ZBTB7B: variants seen among roughly 807,000 people sequenced by gnomAD.
The protein encoded by ZBTB7B is zinc finger and BTB domain containing 7B.
ZBTB7B carries 8 observed loss-of-function variants against 31.0 expected under a neutral mutation model. The ratio of observed to expected loss-of-function variants is 0.26; its 90% CI spans 0.15 to 0.47. The LOEUF is 0.47. ZBTB7B is among the 20% of genes least tolerant of loss of function. The pLI, the probability that ZBTB7B is intolerant of heterozygous loss-of-function variation, is 0.99. For synonymous variants in ZBTB7B, 261 were observed against 307.3 expected (o/e 0.85, Z 1.58); for missense variants, 494 against 742.4 (o/e 0.67, Z 3.89).
At chr1:155,011,056 C>T in intron 1 of ZBTB7B, 1 of 1,479,190 alleles carries the variant, frequency 6.8e-7, no homozygotes, top group Non-Finnish European at 9.1e-7. Context: ...CTCTGCGTGC[C>T]TGTGTCCCAG....
rs1658440974 is a variant in ZBTB7B at position 155,004,520 on chromosome 1, C to A, written c.-7+1577C>A. ...ACCAACTGGTTTGGTCACCCCTGTACCCGCCTGGCACTGCTGGGAGAGCTG... is the reference window on the plus strand; with the variant it reads ...ACCAACTGGTTTGGTCACCCCTGTAACCGCCTGGCACTGCTGGGAGAGCTG... On this transcript the variant is annotated intron_variant, in intron 1 of 2. Coordinates refer to ENST00000535420, the MANE Select transcript of ZBTB7B (RefSeq NM_001256455.2). This position sits in a 1 kb window ranked among gnomAD's most constrained non-coding sequence, Gnocchi z 4.0. 6.6e-6 allele frequency among the ~76,000 whole-genome samples: 1 copy of A among 152,130 alleles called. No homozygotes were observed. The highest frequency in any genetic ancestry group is 1.5e-5 in the Non-Finnish European group (1 of 68,002).
rs1255293697 is a variant in ZBTB7B at position 155,004,538 on chromosome 1, G to A, written c.-7+1595G>A. Among the ~76,000 whole-genome samples, 2 of 152,148 alleles carry A rather than the reference G, an allele frequency of 1.3e-5. No homozygotes were observed. The highest frequency in any genetic ancestry group is 2.9e-5 in the Non-Finnish European group (2 of 68,008). ...CCCTGTACCCGCCTGGCACTGCTGG[G>A]AGAGCTGGCATGGAGTGGACATCAG... On this transcript the variant is annotated intron_variant, in intron 1 of 2. Transcript: ENST00000535420. The surrounding 1 kb of genome is among the most constrained non-coding windows in gnomAD (Gnocchi z 4.0).
upstream of ZBTB7B, chr1:155,002,730 T>C: frequency 9.2e-6 from 1 of 108,840 alleles, no homozygotes; most frequent in Non-Finnish European, 1.9e-5. Context: ...GCCAGGTGAA[T>C]GTACGGCTCT....
intron 1 of ZBTB7B, among the ~76,000 whole-genome samples, chr1:155,010,630 C>T (rs1287817142): frequency 6.6e-6 from 1 of 152,116 alleles, no homozygotes; most frequent in Non-Finnish European, 1.5e-5. Flanking sequence ...AGCTCCTGGG[C>T]CCCAGAGGCC....
upstream of ZBTB7B, chr1:155,002,617 C>T (rs1275153817): frequency 1.6e-5 from 1 of 63,454 alleles, no homozygotes; most frequent in Non-Finnish European, 3.0e-5. Context: ...TGGGGGGTGG[C>T]AGGGGCGGGG....
chr1:155,014,840 G>A lies in ZBTB7B; in HGVS notation c.180G>A (p.Lys60=), dbSNP rs1365776036. ...TAGCTGCCTGTAGCCACTACTTCAA[G>A]AAGCTTTTCACTGAGGGCGGTGGCG... ...AVLAACSHYF[K]KLFTEGGGGA... Residue 60 remains lysine, a synonymous_variant, in exon 2 of 3, where the codon AAG becomes AAA. Transcript: ENST00000535420. 6.2e-7 allele frequency: 1 copy of A among 1,614,128 alleles called. No homozygotes were observed. Among genetic ancestry groups the A allele is most frequent in the Non-Finnish European group, 8.5e-7 (1 of 1,180,048 alleles).
chr1:155,005,777 C>A (rs1397694541), intron 1 of ZBTB7B, among the ~76,000 whole-genome samples: 1 of 152,210 alleles, frequency 6.6e-6, no homozygotes, highest in African/African-American at 2.4e-5. Context: ...GCCTCTTCCC[C>A]CTCCTTGTGC....
intron 1 of ZBTB7B, chr1:155,010,290 C>G (rs1296215324): frequency 1.3e-5 from 2 of 153,160 alleles, no homozygotes; most frequent in African/African-American, 4.8e-5. Flanking sequence ...GGATTTGGAG[C>G]TGGGCAGAGA....
chr1:155,008,379 C>A (rs1227589319), intron 1 of ZBTB7B, among the ~76,000 whole-genome samples: 2 of 152,180 alleles, frequency 1.3e-5, no homozygotes, highest in Non-Finnish European at 2.9e-5. Flanking sequence ...AGGGAGAATT[C>A]GGCCAGCTCC....
chr1:155,002,338 G>C (rs1658277464), upstream of ZBTB7B, among the ~76,000 whole-genome samples: 1 of 150,222 alleles, frequency 6.7e-6, no homozygotes, highest in Non-Finnish European at 1.5e-5. Flanking sequence ...AGAAAGGGGG[G>C]GGAGAGAGGG....
rs1659514637 is a variant in ZBTB7B at position 155,017,356 on chromosome 1, TA to T, written c.*672del. 1 of 152,172 alleles carries T rather than the reference TA, an allele frequency of 6.6e-6. No homozygotes were observed. The highest frequency in any genetic ancestry group is 2.4e-5 in the African/African-American group (1 of 41,294). 9.4% of individuals were successfully genotyped at this position (152,172 alleles called of 1,614,324 possible). ...TTGGCTCGCCTGCCCCTGGGGGCAG[TA>T]GAGGGGCCCCGCCCAGCTAGGGGAG... is the stretch of plus-strand genomic sequence containing the variant. On this transcript the variant is annotated 3_prime_UTR_variant, in exon 3 of 3. Coordinates refer to ENST00000535420, the MANE Select transcript of ZBTB7B (RefSeq NM_001256455.2).
chr1:155,018,203 T>G lies in ZBTB7B; in HGVS notation c.*1518T>G. 3 of 258,972 alleles carry G rather than the reference T, an allele frequency of 1.2e-5. No homozygotes were observed. The highest frequency in any genetic ancestry group is 2.3e-5 in the Non-Finnish European group (3 of 131,634). 16.0% of individuals were successfully genotyped at this position (258,972 alleles called of 1,614,324 possible). On this transcript the variant is annotated 3_prime_UTR_variant, in exon 3 of 3. Coordinates refer to ENST00000535420, the MANE Select transcript of ZBTB7B (RefSeq NM_001256455.2). ...AGGTACCCCTAACAGTGGGGAGGGG[T>G]CACAGGGAGGGGGTAGCGGGACCAG...
chr1:155,015,062 C>T lies in ZBTB7B; in HGVS notation c.402C>T (p.Ile134=), dbSNP rs781077945. The change falls in exon 2 of 3, where the codon ATC becomes ATT. Residue 134 remains isoleucine (I), a synonymous_variant. Transcript: ENST00000535420. ...GCCTGCTGGAGATCCCGTGTGTCAT[C>T]GCTGCTTGCATGGAGATTCTGCAGG... is the stretch of plus-strand genomic sequence containing the variant. ...AARLLEIPCV[I]AACMEILQGS... is the part of the protein sequence containing the mutation. The T allele has an allele frequency of 5.6e-6, 9 of 1,613,784 alleles. No individual in the cohort carries two copies. The highest frequency in any genetic ancestry group is 1.3e-5 in the African/African-American group (1 of 74,894).
At chr1:155,010,553 G>A (rs1466084738) in intron 1 of ZBTB7B, among the ~76,000 whole-genome samples, 1 of 152,136 alleles carries the variant, frequency 6.6e-6, no homozygotes, top group African/African-American at 2.4e-5. Flanking sequence ...AGCCCTTCTA[G>A]TCCTCATGTG....
In ZBTB7B at chr1:155,011,266, C is replaced by A. The variant is rs558917252; in HGVS notation, c.-6-3389C>A. On this transcript the variant is annotated intron_variant, in intron 1 of 2. Transcript: ENST00000535420. The stretch of plus-strand genomic sequence containing the variant: ...CGTGGCCCCCAGCCCTGCACTGGAC[C>A]CTGCCTGAGGTCAGCACCCGGAAAG... 2.6e-5 allele frequency among the ~76,000 whole-genome samples: 4 copies of A among 152,372 alleles called. No individual in the cohort carries two copies. In the East Asian group the frequency reaches 7.7e-4, roughly 29 times the overall value.
At chr1:155,002,085 GA>G (rs1387555701), upstream of ZBTB7B, among the ~76,000 whole-genome samples, 2 of 151,832 alleles carry the variant, frequency 1.3e-5, no homozygotes, top group African/African-American at 4.8e-5. Flanking sequence ...GGGGGTGCTC[GA>G]TTCCCTGGCC....
At chr1:155,006,511 G>C (rs115942605) in intron 1 of ZBTB7B, among the ~76,000 whole-genome samples, 2,111 of 152,256 alleles carry the variant, frequency 0.014, 59 homozygotes, top group African/African-American at 0.049. Context: ...GGTCGAAGGT[G>C]CCCCAGGCAA....
rs1658462541 is a variant in ZBTB7B at position 155,004,837 on chromosome 1, C to G, written c.-7+1894C>G. On this transcript the variant is annotated intron_variant, in intron 1 of 2. Coordinates refer to ENST00000535420, the MANE Select transcript of ZBTB7B (RefSeq NM_001256455.2). The surrounding 1 kb of genome is among the most constrained non-coding windows in gnomAD (Gnocchi z 4.0). The stretch of plus-strand genomic sequence containing the variant: ...CTGGCACCCCCAGACACTGTCCCCT[C>G]CCTTGGGTACCACACACCCCCAGCC... 1.3e-5 allele frequency among the ~76,000 whole-genome samples: 2 copies of G among 152,048 alleles called. No individual in the cohort carries two copies. Among genetic ancestry groups the G allele is most frequent in the Non-Finnish European group, 2.9e-5 (2 of 67,990 alleles).
In ZBTB7B at chr1:155,016,543, C is replaced by G. The variant is rs759504977; in HGVS notation, c.1478C>G (p.Thr493Ser). 3 of 1,614,132 alleles carry G rather than the reference C, an allele frequency of 1.9e-6. No homozygotes were observed. Among genetic ancestry groups the G allele is most frequent in the Non-Finnish European group, 2.5e-6 (3 of 1,179,960 alleles). ...GACCTCTCCAATGGCCACCTGGACACCTTCCGCCTCTCTCTAGCTCGATTC... is the reference window on the plus strand; with the variant it reads ...GACCTCTCCAATGGCCACCTGGACAGCTTCCGCCTCTCTCTAGCTCGATTC... ...GLDLSNGHLDTFRLSLARFWE... is the reference protein window; with the variant it reads ...GLDLSNGHLDSFRLSLARFWE... The change falls in exon 3 of 3, where the codon ACC becomes AGC. Residue 493 changes from threonine to serine, a missense_variant. This residue lies in a region of ZBTB7B where 101 missense variants were observed against 119.5 expected (regional missense o/e 0.85). Coordinates refer to ENST00000535420, the MANE Select transcript of ZBTB7B (RefSeq NM_001256455.2). This position sits in a 1 kb window ranked among gnomAD's most constrained non-coding sequence, Gnocchi z 4.3.
Sources: gnomAD v4.1 joint callset for allele counts (sites outside exome capture counted in the v4.1 genomes callset) on GRCh38, gnomAD v4.1.1 for gene constraint, gnomAD v4.1.1 regional missense constraint, Gnocchi (gnomAD v3.1) non-coding constraint, MANE v1.5 for transcripts, NCBI Gene and HGNC (gene_info 2026-07-23, HGNC 2026-07-21) for gene names.